TAFA1: variants seen among roughly 807,000 people sequenced by gnomAD.
The protein encoded by TAFA1 is TAFA chemokine like family member 1, also known as chemokine-like protein TAFA-1.
A neutral mutation model predicts 18.5 loss-of-function variants in TAFA1; 4 were observed. The observed-to-expected ratio is 0.22, with a 90% CI of 0.11 to 0.49. TAFA1 has a LOEUF of 0.49. Among genes scored for constraint, TAFA1 ranks in the 20% least tolerant of loss-of-function variants. The pLI, the probability that TAFA1 is intolerant of heterozygous loss-of-function variation, is 0.98. For missense variants in TAFA1, 147 were observed against 169.0 expected (o/e 0.87, Z 0.72); for synonymous variants, 56 against 55.2 (o/e 1.01, Z -0.06).
In TAFA1 at chr3:68,177,191, C is replaced by T. The variant is rs369808557; in HGVS notation, c.118+170447C>T. 6.2e-4 allele frequency among the ~76,000 whole-genome samples: 95 copies of T among 152,240 alleles called. No homozygotes were observed. In the South Asian group the frequency reaches 0.016, roughly 26 times the overall value. ...GGTAACATATTTCATCAAAGTAGGA[C>T]GCAGAGAATTCCTTAGTTGCCCACA... On this transcript the variant is annotated intron_variant, in intron 2 of 4. Coordinates refer to ENST00000478136, the MANE Select transcript of TAFA1 (RefSeq NM_213609.4).
intron 2 of TAFA1, among the ~76,000 whole-genome samples, chr3:68,241,790 T>A (rs1474484289): frequency 6.6e-6 from 1 of 152,184 alleles, no homozygotes; most frequent in Non-Finnish European, 1.5e-5. Flanking sequence ...ATTCAAAGGT[T>A]TTATTTTTCA....
chr3:68,180,786 A>G (rs1242833269), intron 2 of TAFA1, among the ~76,000 whole-genome samples: 1 of 152,146 alleles, frequency 6.6e-6, no homozygotes, highest in East Asian at 1.9e-4. Flanking sequence ...ACGACCCCTG[A>G]TGATCCTCTC....
intron 3 of TAFA1, among the ~76,000 whole-genome samples, chr3:68,529,629 A>G (rs1469684246): frequency 2.6e-5 from 4 of 152,090 alleles, no homozygotes; most frequent in Non-Finnish European, 5.9e-5. Flanking sequence ...GCATCTGGTG[A>G]AAGCTTCAGG....
At chr3:68,439,379 A>G (rs964149877) in intron 3 of TAFA1, among the ~76,000 whole-genome samples, 2 of 138,632 alleles carry the variant, frequency 1.4e-5, no homozygotes, top group Non-Finnish European at 3.1e-5. Flanking sequence ...AGGGTTCTCT[A>G]GAGGGACAGA....
intron 2 of TAFA1, among the ~76,000 whole-genome samples, chr3:68,369,498 T>C (rs2069637290): frequency 6.6e-6 from 1 of 152,242 alleles, no homozygotes; most frequent in Admixed American, 6.5e-5. Flanking sequence ...GCAAAATATT[T>C]ATGAGGTCCA....
intron 2 of TAFA1, among the ~76,000 whole-genome samples, chr3:68,084,794 T>G (rs910259585): frequency 1.1e-4 from 16 of 146,822 alleles, no homozygotes; most frequent in African/African-American, 3.5e-4. Flanking sequence ...CAAGACTCCG[T>G]CTAAAAAAAA....
intron 2 of TAFA1, among the ~76,000 whole-genome samples, chr3:68,055,288 A>G (rs1021344366): frequency 6.6e-6 from 1 of 152,118 alleles, no homozygotes; most frequent in African/African-American, 2.4e-5. Flanking sequence ...GTAGATACTC[A>G]TGTGTGTGTA....
At chr3:68,098,084 A>T (rs182732011) in intron 2 of TAFA1, among the ~76,000 whole-genome samples, 25 of 152,282 alleles carry the variant, frequency 1.6e-4, no homozygotes, top group Non-Finnish European at 2.6e-4. Flanking sequence ...GCTACTGTTG[A>T]CTGCAAAGAA....
intron 2 of TAFA1, among the ~76,000 whole-genome samples, chr3:68,275,167 C>G (rs566599947): frequency 1.3e-5 from 2 of 152,024 alleles, no homozygotes; most frequent in Admixed American, 6.6e-5. Context: ...GGGGTGATAG[C>G]AGTGAACTAG....
At chr3:68,168,720 G>A (rs2066015338) in intron 2 of TAFA1, among the ~76,000 whole-genome samples, 1 of 152,126 alleles carries the variant, frequency 6.6e-6, no homozygotes, top group African/African-American at 2.4e-5. Context: ...GTCTAAATTT[G>A]CTTTTGACCT....
chr3:68,114,939 C>A (rs935686178), intron 2 of TAFA1, among the ~76,000 whole-genome samples: 1 of 152,024 alleles, frequency 6.6e-6, no homozygotes, highest in African/African-American at 2.4e-5. Flanking sequence ...TTAAAGAATG[C>A]CTGCTATATT....
intron 2 of TAFA1, among the ~76,000 whole-genome samples, chr3:68,187,735 C>T (rs2066288275): frequency 6.6e-6 from 1 of 151,908 alleles, no homozygotes; most frequent in Non-Finnish European, 1.5e-5. Context: ...GTAGAAAATG[C>T]CAAGCAGTTT....
At chr3:68,311,350 T>G (rs2068512735) in intron 2 of TAFA1, among the ~76,000 whole-genome samples, 1 of 152,130 alleles carries the variant, frequency 6.6e-6, no homozygotes, top group Non-Finnish European at 1.5e-5. Context: ...TCCGAAAGTG[T>G]CAATTCATTT....
chr3:68,237,378 A>G (rs1383509161), intron 2 of TAFA1, among the ~76,000 whole-genome samples: 1 of 152,186 alleles, frequency 6.6e-6, no homozygotes. Flanking sequence ...GGAAGTTAGG[A>G]TTTCAACATA....
intron 2 of TAFA1, among the ~76,000 whole-genome samples, chr3:68,126,949 G>A (rs1478286884): frequency 6.6e-6 from 1 of 152,154 alleles, no homozygotes; most frequent in Non-Finnish European, 1.5e-5. Flanking sequence ...AAGACTTAAG[G>A]TTTAGAGCAT....
intron 3 of TAFA1, among the ~76,000 whole-genome samples, chr3:68,506,893 A>G (rs1166116573): frequency 6.6e-6 from 1 of 152,084 alleles, no homozygotes; most frequent in East Asian, 1.9e-4. Context: ...AGAAATACAT[A>G]TTGTATGGCA....
At chr3:68,076,040 C>A (rs1411389110) in intron 2 of TAFA1, among the ~76,000 whole-genome samples, 1 of 152,150 alleles carries the variant, frequency 6.6e-6, no homozygotes, top group Non-Finnish European at 1.5e-5. Flanking sequence ...TCCCAATCAT[C>A]TAGGAAAAAT....
intron 2 of TAFA1, among the ~76,000 whole-genome samples, chr3:68,108,298 T>C (rs1184531148): frequency 2.0e-5 from 3 of 152,132 alleles, no homozygotes; most frequent in Non-Finnish European, 4.4e-5. Flanking sequence ...TGAATTGTAT[T>C]AAATATTATT....
At chr3:68,295,031 C>G (rs2068182976) in intron 2 of TAFA1, among the ~76,000 whole-genome samples, 1 of 152,106 alleles carries the variant, frequency 6.6e-6, no homozygotes, top group Non-Finnish European at 1.5e-5. Flanking sequence ...CTTGCTTCTC[C>G]CATTTGCTCT....
Sources: allele counts gnomAD v4.1 joint callset (sites outside exome capture counted in the v4.1 genomes callset), GRCh38; gene constraint gnomAD v4.1.1; transcripts MANE v1.5; gene names NCBI Gene and HGNC (gene_info 2026-07-23, HGNC 2026-07-21).